The following P4HTM variants were observed in gnomAD, a reference collection of about 807,000 sequenced individuals.
P4HTM encodes prolyl 4-hydroxylase, transmembrane, also known as transmembrane prolyl 4-hydroxylase.
P4HTM carries 33 observed loss-of-function variants against 55.3 expected under a neutral mutation model. The ratio of observed to expected loss-of-function variants is 0.60; its 90% CI spans 0.45 to 0.80. The LOEUF is 0.80. P4HTM is among the 30% of genes least tolerant of loss of function. P4HTM has a pLI of 0.00. For synonymous variants in P4HTM, 272 were observed against 286.4 expected, an observed-to-expected ratio of 0.95 and a Z score of 0.51; for missense variants, 542 against 696.5, an observed-to-expected ratio of 0.78 and a Z score of 2.50.
chr3:49,001,357 G>A (rs2092960552), intron 2 of P4HTM, 81 bp from the exon 3 acceptor site: 1 of 1,344,044 alleles, frequency 7.4e-7, no homozygotes, highest in African/African-American at 1.4e-5. Context: ...CAGTACCCCA[G>A]GAACCCTGAA....
intron 2 of P4HTM, among the ~76,000 whole-genome samples, chr3:48,992,882 G>A (rs887252993): frequency 1.3e-5 from 2 of 151,640 alleles, no homozygotes; most frequent in Admixed American, 1.3e-4. Context: ...AGCCAGGATG[G>A]TCTCAATCTC....
chr3:48,998,359 G>C (rs989336798), intron 2 of P4HTM: 1 of 152,328 alleles, frequency 6.6e-6, no homozygotes, highest in African/African-American at 2.4e-5. Flanking sequence ...ATGACCCTTT[G>C]GGGGAAAGGG....
rs781692586 is a variant in P4HTM, at chr3:49,004,957, C to T, written c.984C>T (p.His328=). 5.1e-5 allele frequency: 83 copies of T among 1,613,874 alleles called. No individual in the cohort carries two copies. Among genetic ancestry groups the T allele is most frequent in the East Asian group, 6.7e-5 (3 of 44,892 alleles). Residue 328 remains histidine, a synonymous_variant, in exon 6 of 9, where the codon CAC becomes CAT. Transcript: ENST00000383729. The stretch of plus-strand genomic sequence containing the variant: ...GTGAGGGGGGCCACTACCATGCCCA[C>T]GTGGACAGTGGGCCTGTGTACCCAG... ...RYGEGGHYHA[H]VDSGPVYPET...
chr3:49,004,922 G>A lies in P4HTM; in HGVS notation c.949G>A (p.Val317Ile), dbSNP rs2092972042. ...IVELSEPLQV[V>I]RYGEGGHYHA... ...GGAGCTCAGCGAGCCGCTGCAGGTT[G>A]TTCGATATGGTGAGGGGGGCCACTA... The change falls in exon 6 of 9, where the codon GTT (valine) becomes ATT (isoleucine). Residue 317 changes from valine to isoleucine, a missense_variant. By Grantham distance (29) the Val-to-Ile change is conservative. Coordinates refer to ENST00000383729, the MANE Select transcript of P4HTM (RefSeq NM_177939.3). 1 of 1,613,824 alleles carries A rather than the reference G, an allele frequency of 6.2e-7. No individual in the cohort carries two copies. Among genetic ancestry groups the A allele is most frequent in the East Asian group, 2.2e-5 (1 of 44,880 alleles).
Position 49,002,729 on chromosome 3 carries a change from G to C in P4HTM, c.724+133G>C, listed in dbSNP as rs576418345. On this transcript the variant is annotated intron_variant, in intron 4 of 8. Transcript: ENST00000383729. This position sits in a 1 kb window ranked among gnomAD's most constrained non-coding sequence, Gnocchi z 4.4. ...GCACCCCTTTATAGTGGCCAGAGAT[G>C]GGGAGGTGAAGATCCAGCCTTGCTT... 7 of 749,336 alleles carry C rather than the reference G, an allele frequency of 9.3e-6. No homozygotes were observed. The African/African-American group carries it at 1.0e-4, about 11-fold the overall frequency. 46.4% of individuals were successfully genotyped at this position (749,336 alleles called of 1,614,324 possible). A position where few individuals can be genotyped will look rare whatever the true frequency, so the allele number is the denominator to read the frequency against.
At chr3:48,995,291 A>G (rs1318285113) in intron 2 of P4HTM, among the ~76,000 whole-genome samples, 1 of 152,022 alleles carries the variant, frequency 6.6e-6, no homozygotes, top group Non-Finnish European at 1.5e-5. Flanking sequence ...TTCCCTCACT[A>G]AAAGGCTTAG....
rs1230551786 is a variant in P4HTM, at chr3:49,006,887, G to A, written c.1489G>A (p.Asp497Asn). The change falls in exon 9 of 9, where the codon GAT becomes AAT. Residue 497 changes from aspartate to asparagine, a missense_variant. Physicochemically the swap from Asp to Asn is conservative, Grantham distance 23. Around this residue, in one of 2 missense-constraint regions of P4HTM, gnomAD observed 536 missense variants for 672.1 expected, o/e 0.80. Transcript: ENST00000383729. ...GTGGGCTCTGGACCGGGCCTACCGC[G>A]ATGCGCGCGTGGAACTCTGAGGGAA... Reference protein sequence around the residue: ...PEWALDRAYRDARVEL With the variant: ...PEWALDRAYRNARVEL The A allele has an allele frequency of 1.2e-6, 2 of 1,612,260 alleles. No individual in the cohort carries two copies. The highest frequency in any genetic ancestry group is 1.3e-5 in the African/African-American group (1 of 75,066).
chr3:49,000,013 C>T (rs2092956718), intron 2 of P4HTM, among the ~76,000 whole-genome samples: 2 of 152,164 alleles, frequency 1.3e-5, no homozygotes, highest in African/African-American at 4.8e-5. Flanking sequence ...TCAGGGTCAC[C>T]TGCTCCTAGT....
At chr3:48,996,857 G>A (rs1288349742) in intron 2 of P4HTM, among the ~76,000 whole-genome samples, 1 of 152,168 alleles carries the variant, frequency 6.6e-6, no homozygotes, top group Non-Finnish European at 1.5e-5. Context: ...CGGAGACTCA[G>A]CTTGGGGTTC....
chr3:49,001,335 C>T (rs571737517), intron 2 of P4HTM, 103 bp from the exon 3 acceptor site: 2 of 1,028,984 alleles, frequency 1.9e-6, no homozygotes, highest in Admixed American at 3.6e-5. Context: ...CTGGTGGCCA[C>T]TGAGGGACAT....
In P4HTM at chr3:49,002,249, T is replaced by C. The variant is rs2092963090; in HGVS notation, c.628-251T>C. Among the ~76,000 whole-genome samples, 1 of 152,248 alleles carries C rather than the reference T, an allele frequency of 6.6e-6. No individual in the cohort carries two copies. The highest frequency in any genetic ancestry group is 2.4e-5 in the African/African-American group (1 of 41,470). On this transcript the variant is annotated intron_variant, in intron 3 of 8. Transcript: ENST00000383729. The surrounding 1 kb of genome is among the most constrained non-coding windows in gnomAD (Gnocchi z 4.4). ...ACTCTGCTTCCAACCAACAGTGCTC[T>C]CCATGAAGGCCACGGGGCCTTAGTC... is the stretch of plus-strand genomic sequence containing the variant.
In P4HTM at chr3:49,006,895, C is replaced by A. The variant is rs774300667; in HGVS notation, c.1497C>A (p.Arg499=). The A allele has an allele frequency of 6.2e-7, 1 of 1,611,876 alleles. No homozygotes were observed. The highest frequency in any genetic ancestry group is 8.5e-7 in the Non-Finnish European group (1 of 1,179,288). The part of the protein sequence containing the change: ...WALDRAYRDA[R]VEL ...TGGACCGGGCCTACCGCGATGCGCGCGTGGAACTCTGAGGGAAGAGTTAGC... is the reference window on the plus strand; with the variant it reads ...TGGACCGGGCCTACCGCGATGCGCGAGTGGAACTCTGAGGGAAGAGTTAGC... The change falls in exon 9 of 9, where the codon CGC becomes CGA. Residue 499 remains arginine (R), a synonymous_variant. Coordinates refer to ENST00000383729, the MANE Select transcript of P4HTM (RefSeq NM_177939.3).
intron 2 of P4HTM, among the ~76,000 whole-genome samples, chr3:48,995,372 CCT>C (rs2092942663): frequency 6.6e-6 from 1 of 152,226 alleles, no homozygotes; most frequent in South Asian, 2.1e-4. Context: ...TCCTCAGAGA[CCT>C]CTTGTCCTCA....
Position 49,000,572 on chromosome 3 carries a change from C to T in P4HTM, c.437-866C>T, listed in dbSNP as rs1216547330. ...GTGCTTCTTGTCCTCCAGTGAAGAC[C>T]GCTCTCCCAGGAACAAGGGAAGGAA... On this transcript the variant is annotated intron_variant, in intron 2 of 8. Coordinates refer to ENST00000383729, the MANE Select transcript of P4HTM (RefSeq NM_177939.3). Among the ~76,000 whole-genome samples, 5 of 152,102 alleles carry T rather than the reference C, an allele frequency of 3.3e-5. No homozygotes were observed. In the South Asian group the frequency reaches 6.2e-4, roughly 19 times the overall value.
chr3:48,995,188 T>G (rs2092942052), intron 2 of P4HTM, among the ~76,000 whole-genome samples: 1 of 152,136 alleles, frequency 6.6e-6, no homozygotes. Flanking sequence ...CCTCTTAGAC[T>G]CATCTCCTGC....
rs1163088127 is a variant in P4HTM, at chr3:49,002,463, C to G, written c.628-37C>G. ...TCTGTTCTCTGCTGGCTCTCCATCA[C>G]TGGGGTCACCCACTGAGGGACCCTC... On this transcript the variant is annotated intron_variant, in intron 3 of 8. Transcript: ENST00000383729. This position sits in a 1 kb window ranked among gnomAD's most constrained non-coding sequence, Gnocchi z 4.4. 4 of 1,431,306 alleles carry G rather than the reference C, an allele frequency of 2.8e-6. No individual in the cohort carries two copies. The highest frequency in any genetic ancestry group is 3.5e-4 in the Middle Eastern group (2 of 5,706). 88.7% of individuals were successfully genotyped at this position (1,431,306 alleles called of 1,614,324 possible).
Position 48,999,633 on chromosome 3 carries a change from G to T in P4HTM, c.437-1805G>T. The T allele has an allele frequency of 6.0e-6, 1 of 166,694 alleles. No individual in the cohort carries two copies. The allele number at this position is 166,694 out of a possible 1,614,324, so 10.3% of individuals were successfully genotyped here. On this transcript the variant is annotated intron_variant, in intron 2 of 8. Coordinates refer to ENST00000383729, the MANE Select transcript of P4HTM (RefSeq NM_177939.3). This position sits in a 1 kb window ranked among gnomAD's most constrained non-coding sequence, Gnocchi z 4.8. ...AGGAGATCCTGCAGGGGTTTGCACA[G>T]CTCCGAGGTGCCCGGACCCACCTGG...
At chr3:49,003,001 A>G in intron 4 of P4HTM, 1 of 350,286 alleles carries the variant, frequency 2.9e-6, no homozygotes, top group Non-Finnish European at 5.6e-6. Context: ...GGTCCACCCC[A>G]GCAGACAGCT....
At chr3:49,001,332 C>T (rs1384236019) in intron 2 of P4HTM, 106 bp from the exon 3 acceptor site, 1 of 964,406 alleles carries the variant, frequency 1.0e-6, no homozygotes, top group Non-Finnish European at 1.7e-6. Context: ...GACCTGGTGG[C>T]CACTGAGGGA....
Sources: allele counts gnomAD v4.1 joint callset (sites outside exome capture counted in the v4.1 genomes callset), GRCh38; gene constraint gnomAD v4.1.1; regional missense constraint gnomAD v4.1.1; non-coding constraint Gnocchi (gnomAD v3.1); transcripts MANE v1.5; gene names NCBI Gene and HGNC (gene_info 2026-07-23, HGNC 2026-07-21).